Variants in A1CF observed in about 807,000 individuals in gnomAD.
A1CF encodes APOBEC1 complementation factor, also known as APOBEC-1 stimulating protein.
In A1CF, 48 loss-of-function variants were observed where a neutral mutation model predicts 68.9. That is an observed-to-expected ratio of 0.70 (90% confidence interval 0.55 to 0.89). The LOEUF is 0.89. Among genes scored for constraint, A1CF ranks in the 40% least tolerant of loss-of-function variants. A1CF has a pLI of 0.00. For synonymous variants in A1CF, 272 were observed against 260.4 expected (o/e 1.04, Z -0.43); for missense variants, 653 against 718.9 (o/e 0.91, Z 1.05).
chr10:50,884,419 T>C (rs1484487589), intron 1 of A1CF, among the ~76,000 whole-genome samples: 3 of 152,216 alleles, frequency 2.0e-5, no homozygotes, highest in Non-Finnish European at 4.4e-5. Context: ...ACCTTATAAG[T>C]CATTTGTCTC....
chr10:50,830,201 T>C (rs1839172720), intron 6 of A1CF, among the ~76,000 whole-genome samples: 1 of 152,144 alleles, frequency 6.6e-6, no homozygotes, highest in Admixed American at 6.6e-5. Context: ...CCCCCAGCCC[T>C]GGTAACCACC....
intron 1 of A1CF, among the ~76,000 whole-genome samples, chr10:50,866,250 A>C (rs1163979707): frequency 6.6e-6 from 1 of 152,234 alleles, no homozygotes; most frequent in Non-Finnish European, 1.5e-5. Context: ...CAGAGTGCAG[A>C]GTGATTAAAA....
intron 2 of A1CF, among the ~76,000 whole-genome samples, chr10:50,862,658 GTT>G (rs1269307008): frequency 6.6e-6 from 1 of 152,200 alleles, no homozygotes; most frequent in Non-Finnish European, 1.5e-5. Flanking sequence ...AACTTAGTAA[GTT>G]AACATGCCAG....
chr10:50,837,595 G>T (rs1366950719), intron 5 of A1CF, among the ~76,000 whole-genome samples: 1 of 152,168 alleles, frequency 6.6e-6, no homozygotes, highest in Non-Finnish European at 1.5e-5. Flanking sequence ...AGATGTTACT[G>T]GCTTTGGATT....
At chr10:50,882,958 T>C (rs1048659059) in intron 1 of A1CF, among the ~76,000 whole-genome samples, 2 of 152,158 alleles carry the variant, frequency 1.3e-5, no homozygotes, top group Non-Finnish European at 2.9e-5. Context: ...TGAAAAGGTG[T>C]TGGGGTTTTA....
chr10:50,833,611 TGTC>T (rs1465557289), intron 6 of A1CF, among the ~76,000 whole-genome samples: 1 of 152,230 alleles, frequency 6.6e-6, no homozygotes, highest in African/African-American at 2.4e-5. Context: ...AGTTTCTTGT[TGTC>T]TTCACTTATC....
intron 3 of A1CF, among the ~76,000 whole-genome samples, chr10:50,851,695 C>A (rs1840249932): frequency 6.6e-6 from 1 of 152,158 alleles, no homozygotes; most frequent in African/African-American, 2.4e-5. Context: ...ATCATACCTC[C>A]AACAACTAAC....
chr10:50,812,573 T>TA (rs1343780651), intron 10 of A1CF, among the ~76,000 whole-genome samples: 3 of 152,248 alleles, frequency 2.0e-5, no homozygotes, highest in Non-Finnish European at 2.9e-5. Context: ...TTTATTTTCT[T>TA]AAAATATTTC....
chr10:50,849,182 C>T (rs185623144), intron 3 of A1CF, among the ~76,000 whole-genome samples: 1 of 152,194 alleles, frequency 6.6e-6, no homozygotes, highest in African/African-American at 2.4e-5. Context: ...TTTTTGTTGC[C>T]TGAGAACAAC....
In A1CF at chr10:50,813,658, A is replaced by C. The variant is rs367846092; in HGVS notation, c.1323+199T>G. 2.6e-5 allele frequency among the ~76,000 whole-genome samples: 4 copies of C among 152,212 alleles called. No homozygotes were observed. In the South Asian group the frequency reaches 8.3e-4, roughly 32 times the overall value. ...TGTTAGACTTTATGATTTTTTAAAA[A>C]AGAGAAAGGACCTATAATAGAATAA... On this transcript the variant is annotated intron_variant, in intron 10 of 12. Transcript: ENST00000373997.
In A1CF at chr10:50,803,330, T is replaced by C. The variant is rs988324623; in HGVS notation, c.*3399A>G. On this transcript the variant is annotated 3_prime_UTR_variant, in exon 13 of 13. Coordinates refer to ENST00000373997, the MANE Select transcript of A1CF (RefSeq NM_014576.4). ...GTTGCCCAGGCTGGTCTTGAACTCC[T>C]GGCCTCCAGCAATCCTCCTGCCTTG... 1 of 151,746 alleles carries C rather than the reference T, an allele frequency of 6.6e-6. No homozygotes were observed. The highest frequency in any genetic ancestry group is 2.4e-5 in the African/African-American group (1 of 41,136). 9.4% of individuals were successfully genotyped at this position (151,746 alleles called of 1,614,324 possible).
rs1838091768 is a variant in A1CF, at chr10:50,811,113, T to C, written c.1387A>G (p.Ile463Val). The C allele has an allele frequency of 6.2e-7, 1 of 1,613,634 alleles. No individual in the cohort carries two copies. Among genetic ancestry groups the C allele is most frequent in the Non-Finnish European group, 8.5e-7 (1 of 1,179,726 alleles). Residue 463 changes from isoleucine to valine, a missense_variant, in exon 11 of 13, where the codon ATT (isoleucine) becomes GTT (valine). Physicochemically the swap from Ile to Val is conservative, Grantham distance 29. Coordinates refer to ENST00000373997, the MANE Select transcript of A1CF (RefSeq NM_014576.4). ...GQPVYQLHSA[I>V]GQDQRQLFLY... ...AATAGCTGTCTTTGGTCTTGTCCAA[T>C]AGCAGAGTGCAGCTGGTACACTGGC...
At chr10:50,811,296 C>A in intron 10 of A1CF, 120 bp from the exon 11 acceptor site, 1 of 933,314 alleles carries the variant, frequency 1.1e-6, no homozygotes, top group Non-Finnish European at 1.5e-6. Flanking sequence ...ACATAAAATG[C>A]CACATGATTT....
chr10:50,827,434 T>A (rs1295444450), intron 7 of A1CF, among the ~76,000 whole-genome samples: 1 of 152,122 alleles, frequency 6.6e-6, no homozygotes, highest in African/African-American at 2.4e-5. Context: ...ACAAACTGTC[T>A]CTCAGACCAC....
At chr10:50,834,080 T>G (rs1839374451) in intron 6 of A1CF, among the ~76,000 whole-genome samples, 1 of 152,184 alleles carries the variant, frequency 6.6e-6, no homozygotes, top group South Asian at 2.1e-4. Flanking sequence ...CTAGCTAGTC[T>G]GCTTGACTTA....
chr10:50,830,874 A>G (rs1008426872), intron 6 of A1CF, among the ~76,000 whole-genome samples: 3 of 152,228 alleles, frequency 2.0e-5, no homozygotes, highest in Admixed American at 6.6e-5. Flanking sequence ...CTGCAAAGCT[A>G]TAGTAATCAA....
intron 1 of A1CF, among the ~76,000 whole-genome samples, chr10:50,878,164 C>G (rs1841603472): frequency 6.6e-6 from 1 of 151,980 alleles, no homozygotes; most frequent in African/African-American, 2.4e-5. Flanking sequence ...GCCAGAGAAT[C>G]AGGGAGAGAC....
chr10:50,847,072 T>C (rs1471613206), intron 3 of A1CF, among the ~76,000 whole-genome samples: 11 of 152,140 alleles, frequency 7.2e-5, no homozygotes, highest in Non-Finnish European at 1.5e-4. Flanking sequence ...GTTGAGGAGT[T>C]TAAAATAGAT....
Position 50,828,268 on chromosome 10 carries a change from A to C in A1CF, c.632T>G (p.Ile211Ser). The C allele has an allele frequency of 1.9e-6, 3 of 1,591,594 alleles. No individual in the cohort carries two copies. Among genetic ancestry groups the C allele is most frequent in the Non-Finnish European group, 2.6e-6 (3 of 1,164,790 alleles). The change falls in exon 7 of 13, where the codon ATT (isoleucine) becomes AGT (serine). Residue 211 changes from isoleucine (I) to serine (S), a missense_variant. Transcript: ENST00000373997. ...PGRIQLWGHG[I>S]AVDWAEPEVE... Reference sequence around the variant, plus strand: ...TTCTGGCTCTGCCCAGTCTACTGCAATACCATGTCCCCATAACTGAATTCT... The same window carrying C: ...TTCTGGCTCTGCCCAGTCTACTGCACTACCATGTCCCCATAACTGAATTCT...
Sources: allele counts gnomAD v4.1 joint callset (sites outside exome capture counted in the v4.1 genomes callset), GRCh38; gene constraint gnomAD v4.1.1; transcripts MANE v1.5; gene names NCBI Gene and HGNC (gene_info 2026-07-23, HGNC 2026-07-21).